Variants in HS3ST4 observed in about 807,000 individuals in gnomAD.
The protein encoded by HS3ST4 is heparan sulfate glucosamine 3-O-sulfotransferase 4.
In HS3ST4, 17 loss-of-function variants were observed where a neutral mutation model predicts 29.2. That is an observed-to-expected ratio of 0.58 (90% CI 0.40 to 0.87). The LOEUF is 0.87. Among genes scored for constraint, HS3ST4 ranks in the 40% least tolerant of loss-of-function variants. The pLI, the probability that HS3ST4 is intolerant of heterozygous loss-of-function variation, is 0.00. For synonymous variants in HS3ST4, 314 were observed against 285.7 expected, an observed-to-expected ratio of 1.10 and a Z score of -1.00; for missense variants, 627 against 634.5, an observed-to-expected ratio of 0.99 and a Z score of 0.13.
intron 1 of HS3ST4, among the ~76,000 whole-genome samples, chr16:25,951,132 G>T (rs935525643): frequency 8.5e-5 from 13 of 152,152 alleles, no homozygotes; most frequent in Non-Finnish European, 1.9e-4. Flanking sequence ...GCATCATTTG[G>T]TGCTGGGTGG....
chr16:26,058,990 G>T (rs1027400699), intron 1 of HS3ST4, among the ~76,000 whole-genome samples: 5 of 152,252 alleles, frequency 3.3e-5, no homozygotes, highest in Admixed American at 2.6e-4. Flanking sequence ...TGAAGCCTTG[G>T]ACTGAGGTGG....
At position 26,135,981 on chromosome 16, in the gene HS3ST4, G is replaced by C; in HGVS notation, c.1104G>C (p.Met368Ile). The C allele has an allele frequency of 3.1e-6, 5 of 1,613,946 alleles. No individual in the cohort carries two copies. Among genetic ancestry groups the C allele is most frequent in the Non-Finnish European group, 4.2e-6 (5 of 1,179,870 alleles). Residue 368 changes from methionine (M) to isoleucine (I), a missense_variant, in exon 2 of 2, where the codon ATG (methionine) becomes ATC (isoleucine). Met to Ile is a conservative substitution (Grantham distance 10). This residue lies in a region of HS3ST4 where 225 missense variants were observed against 293.7 expected (regional missense o/e 0.77). Transcript: ENST00000331351. Reference protein sequence around the residue: ...ERLIVDPAGEMAKVQDFLGLK... With the variant: ...ERLIVDPAGEIAKVQDFLGLK... ...TCATTGTGGACCCCGCCGGGGAAAT[G>C]GCCAAAGTACAGGATTTTCTAGGCC...
chr16:26,085,832 C>A (rs945889189), intron 1 of HS3ST4, among the ~76,000 whole-genome samples: 8 of 151,472 alleles, frequency 5.3e-5, no homozygotes, highest in African/African-American at 1.9e-4. Context: ...TATGATTGTG[C>A]CACTAAACTC....
chr16:26,034,550 A>G (rs1233842960), intron 1 of HS3ST4, among the ~76,000 whole-genome samples: 1 of 151,270 alleles, frequency 6.6e-6, no homozygotes, highest in Non-Finnish European at 1.5e-5. Context: ...CCCATTCTAC[A>G]TGGCTTCCAG....
intron 1 of HS3ST4, among the ~76,000 whole-genome samples, chr16:25,872,212 G>A (rs576922406): frequency 6.6e-6 from 1 of 152,166 alleles, no homozygotes; most frequent in Non-Finnish European, 1.5e-5. Context: ...ATACTGATGA[G>A]AAGTGGTTTT....
intron 1 of HS3ST4, among the ~76,000 whole-genome samples, chr16:26,047,920 T>C (rs2141763336): frequency 6.6e-6 from 1 of 152,210 alleles, no homozygotes; most frequent in Non-Finnish European, 1.5e-5. Flanking sequence ...AAATGTCTGA[T>C]GATGAGGGCA....
intron 1 of HS3ST4, among the ~76,000 whole-genome samples, chr16:25,909,929 G>A (rs1968219050): frequency 6.6e-6 from 1 of 152,110 alleles, no homozygotes; most frequent in Non-Finnish European, 1.5e-5. Context: ...GCAATGGCTT[G>A]ATCATATCTC....
intron 1 of HS3ST4, among the ~76,000 whole-genome samples, chr16:26,005,438 T>C (rs1231644918): frequency 6.6e-6 from 1 of 152,130 alleles, no homozygotes; most frequent in Non-Finnish European, 1.5e-5. Flanking sequence ...GTGTTTAGCA[T>C]TTACGCTAAT....
intron 1 of HS3ST4, among the ~76,000 whole-genome samples, chr16:25,792,825 T>C (rs967486703): frequency 6.6e-6 from 1 of 151,842 alleles, no homozygotes; most frequent in Non-Finnish European, 1.5e-5. Flanking sequence ...ATATTATTTC[T>C]CTTCTTCTAC....
chr16:26,115,024 A>G (rs541379290), intron 1 of HS3ST4, among the ~76,000 whole-genome samples: 37 of 152,266 alleles, frequency 2.4e-4, no homozygotes, highest in African/African-American at 8.4e-4. Context: ...TTTGCAATAT[A>G]CCATAAAACA....
chr16:25,932,661 G>A (rs532568602), intron 1 of HS3ST4, among the ~76,000 whole-genome samples: 3 of 152,332 alleles, frequency 2.0e-5, no homozygotes, highest in Non-Finnish European at 4.4e-5. Context: ...CTGCAAGCCA[G>A]ACACTGTGCT....
At chr16:25,720,025 A>G (rs1966482609) in intron 1 of HS3ST4, among the ~76,000 whole-genome samples, 1 of 152,242 alleles carries the variant, frequency 6.6e-6, no homozygotes, top group South Asian at 2.1e-4. Context: ...AAGACAGATA[A>G]TAAACAGGTA....
chr16:26,119,050 A>G (rs1899236888), intron 1 of HS3ST4, among the ~76,000 whole-genome samples: 1 of 152,318 alleles, frequency 6.6e-6, no homozygotes, highest in Non-Finnish European at 1.5e-5. Context: ...CATTATTCTT[A>G]TCGTTAGAGT....
chr16:26,119,150 G>A (rs8059820), intron 1 of HS3ST4, among the ~76,000 whole-genome samples: 89,370 of 152,004 alleles, frequency 0.59, 27,496 homozygotes, highest in African/African-American at 0.78. Context: ...TAGTATCTGA[G>A]CCCAAACATC....
rs145625033 is a variant in HS3ST4, at chr16:25,931,489, G to C, written c.735-204123G>C. 5.1e-3 allele frequency among the ~76,000 whole-genome samples: 770 copies of C among 152,340 alleles called. 3 individuals are homozygous for C. The highest frequency in any genetic ancestry group is 0.018 in the African/African-American group (737 of 41,582). On this transcript the variant is annotated intron_variant, in intron 1 of 1. Coordinates refer to ENST00000331351, the MANE Select transcript of HS3ST4 (RefSeq NM_006040.3). ...GATAACCATTCAATGTATTGACCCA[G>C]CTGTGAGTTTATCTTGGTGAAATTC...
At chr16:26,067,904 G>C (rs563475106) in intron 1 of HS3ST4, among the ~76,000 whole-genome samples, 1 of 152,124 alleles carries the variant, frequency 6.6e-6, no homozygotes, top group Non-Finnish European at 1.5e-5. Flanking sequence ...CATGCAAGAC[G>C]TGACTTTGCT....
At chr16:25,896,812 C>G (rs757759177) in intron 1 of HS3ST4, among the ~76,000 whole-genome samples, 2 of 152,208 alleles carry the variant, frequency 1.3e-5, no homozygotes, top group Admixed American at 6.5e-5. Flanking sequence ...GAATACTACA[C>G]AGCTGTAAAA....
chr16:25,846,473 G>T (rs889562038), intron 1 of HS3ST4, among the ~76,000 whole-genome samples: 1 of 151,736 alleles, frequency 6.6e-6, no homozygotes, highest in Non-Finnish European at 1.5e-5. Context: ...GTTCGAGGCT[G>T]CAGTGAGCCA....
chr16:26,129,898 A>AT lies in HS3ST4; in HGVS notation c.735-5712dup, dbSNP rs1899394966. On this transcript the variant is annotated intron_variant, in intron 1 of 1. Coordinates refer to ENST00000331351, the MANE Select transcript of HS3ST4 (RefSeq NM_006040.3). The stretch of plus-strand genomic sequence containing the variant: ...GCTCAGTCTAGGCTGCATGTTAACT[A>AT]TTGTTATTGTTTCTGTGAGGACCCC... Among the ~76,000 whole-genome samples the AT allele has an allele frequency of 1.3e-5, 2 of 152,054 alleles. 1 individual carries two copies. Among genetic ancestry groups the AT allele is most frequent in the South Asian group, 4.2e-4 (2 of 4,816 alleles).
Sources: gnomAD v4.1 joint callset for allele counts (sites outside exome capture counted in the v4.1 genomes callset) on GRCh38, gnomAD v4.1.1 for gene constraint, gnomAD v4.1.1 regional missense constraint, MANE v1.5 for transcripts, NCBI Gene and HGNC (gene_info 2026-07-23, HGNC 2026-07-21) for gene names.